The following DCTN5 variants were observed in gnomAD, a reference collection of about 807,000 sequenced individuals.
DCTN5 encodes the protein dynactin 4.
Under a neutral mutation model 23.5 loss-of-function variants are expected in DCTN5, and 14 were observed. The ratio of observed to expected loss-of-function variants is 0.60; its 90% confidence interval spans 0.39 to 0.93. The LOEUF (loss-of-function observed/expected upper bound fraction) is 0.93. Ranked by LOEUF, DCTN5 falls within the 40% of genes least tolerant of loss-of-function variation. DCTN5 has a pLI of 0.00. For missense variants in DCTN5, 156 were observed against 225.9 expected, an observed-to-expected ratio of 0.69 and a Z score of 1.98; for synonymous variants, 67 against 79.6, an observed-to-expected ratio of 0.84 and a Z score of 0.84.
intron 2 of DCTN5, among the ~76,000 whole-genome samples, chr16:23,654,225 A>G (rs1421219227): frequency 1.3e-5 from 2 of 152,224 alleles, no homozygotes; most frequent in Non-Finnish European, 2.9e-5. Flanking sequence ...ATGTGCACAC[A>G]TATATTCATT....
Position 23,662,848 on chromosome 16 carries a change from C to T in DCTN5, c.348+1567C>T, listed in dbSNP as rs761163397. On this transcript the variant is annotated intron_variant, in intron 4 of 5. Transcript: ENST00000300087. Reference sequence around the variant, plus strand: ...ATAACCCTGTCGTTTATCCTCAGAGCGAAATGTCTGAAAGGTTGAATCCAA... The same window carrying T: ...ATAACCCTGTCGTTTATCCTCAGAGTGAAATGTCTGAAAGGTTGAATCCAA... 1.7e-4 allele frequency among the ~76,000 whole-genome samples: 26 copies of T among 152,180 alleles called. 1 individual carries two copies. Among genetic ancestry groups the T allele is most frequent in the Admixed American group, 7.2e-4 (11 of 15,274 alleles).
chr16:23,652,754 G>T (rs559088946), intron 2 of DCTN5, among the ~76,000 whole-genome samples: 3 of 152,164 alleles, frequency 2.0e-5, no homozygotes, highest in African/African-American at 7.2e-5. Context: ...AGAATCACAA[G>T]CCCTTTTTAA....
Position 23,657,480 on chromosome 16 carries a change from G to A in DCTN5, c.118-1027G>A, listed in dbSNP as rs189068224. The stretch of plus-strand genomic sequence containing the variant: ...CTTAAAGCAAAATCTCACTCTTTTC[G>A]TCCAGGCTGGAGTGCAATGGCGCGA... On this transcript the variant is annotated intron_variant, in intron 2 of 5. Transcript: ENST00000300087. 3.2e-3 allele frequency: 1,407 copies of A among 435,984 alleles called. 6 individuals are homozygous for A. Among genetic ancestry groups the A allele is most frequent in the Non-Finnish European group, 4.5e-3 (980 of 218,248 alleles). The allele number at this position is 435,984 out of a possible 1,614,324, so 27.0% of individuals were successfully genotyped here. A position where few individuals can be genotyped will look rare whatever the true frequency, so the allele number is the denominator to read the frequency against.
chr16:23,650,673 C>A (rs1167413859), intron 2 of DCTN5: 29 of 1,304,014 alleles, frequency 2.2e-5, no homozygotes, highest in Non-Finnish European at 2.5e-5. Flanking sequence ...CTTATCCACC[C>A]TCCTCTTGGT....
intron 2 of DCTN5, among the ~76,000 whole-genome samples, chr16:23,643,721 T>G (rs2140969041): frequency 6.6e-6 from 1 of 152,204 alleles, no homozygotes; most frequent in Non-Finnish European, 1.5e-5. Context: ...TAATTCACTA[T>G]TAACTGAAAC....
rs1199367232 is a variant in DCTN5, at chr16:23,672,188, C to T, written c.*5044C>T. ...AGGCCTGTGAGAGACTCTGAGCTTCCTGGGAACAGGTATAGGTTCTTTTTA... is the reference window on the plus strand; with the variant it reads ...AGGCCTGTGAGAGACTCTGAGCTTCTTGGGAACAGGTATAGGTTCTTTTTA... On this transcript the variant is annotated 3_prime_UTR_variant, in exon 6 of 6. Transcript: ENST00000300087. 3 of 152,280 alleles carry T rather than the reference C, an allele frequency of 2.0e-5. No individual in the cohort carries two copies. In the East Asian group the frequency reaches 5.8e-4, roughly 29 times the overall value. The allele number at this position is 152,280 out of a possible 1,614,324, so 9.4% of individuals were successfully genotyped here. A position where few individuals can be genotyped will look rare whatever the true frequency, so the allele number is the denominator to read the frequency against.
Position 23,641,549 on chromosome 16 carries a change from T to A in DCTN5, c.7T>A (p.Leu3Met), listed in dbSNP as rs1967257367. 1 of 1,613,914 alleles carries A rather than the reference T, an allele frequency of 6.2e-7. No individual in the cohort carries two copies. Among genetic ancestry groups the A allele is most frequent in the East Asian group, 2.2e-5 (1 of 44,860 alleles). MELGELLYNKSEY... is the reference protein window; with the variant it reads MEMGELLYNKSEY... ...AGGGAAGGAGGCGGCGGCCATGGAG[T>A]TGGGCGAGCTGCTCTACAACAAGTC... Residue 3 changes from leucine (L) to methionine (M), a missense_variant, in exon 1 of 6, where the codon TTG (leucine) becomes ATG (methionine). By Grantham distance (15) the Leu-to-Met change is conservative. Around this residue, in one of 2 missense-constraint regions of DCTN5, gnomAD observed 153 missense variants for 206.8 expected, o/e 0.74. Coordinates refer to ENST00000300087, the MANE Select transcript of DCTN5 (RefSeq NM_032486.4).
At position 23,676,664 on chromosome 16, in the gene DCTN5, G is replaced by A. The variant is rs1372533899; in HGVS notation, c.*9520G>A. 3.3e-5 allele frequency: 5 copies of A among 152,240 alleles called. No individual in the cohort carries two copies. Among genetic ancestry groups the A allele is most frequent in the Non-Finnish European group, 7.3e-5 (5 of 68,058 alleles). The allele number at this position is 152,240 out of a possible 1,614,324, so 9.4% of individuals were successfully genotyped here. On this transcript the variant is annotated 3_prime_UTR_variant, in exon 6 of 6. Coordinates refer to ENST00000300087, the MANE Select transcript of DCTN5 (RefSeq NM_032486.4). ...CTGGTTAAGTCCAGGACCCCTACCA[G>A]GAAGAACTGAGGTCCATATTTGAGG...
At position 23,676,032 on chromosome 16, in the gene DCTN5, A is replaced by G. The variant is rs1392675077; in HGVS notation, c.*8888A>G. 1.3e-5 allele frequency: 2 copies of G among 152,018 alleles called. No individual in the cohort carries two copies. Among genetic ancestry groups the G allele is most frequent in the African/African-American group, 4.8e-5 (2 of 41,352 alleles). 9.4% of individuals were successfully genotyped at this position (152,018 alleles called of 1,614,324 possible). A position where few individuals can be genotyped will look rare whatever the true frequency, so the allele number is the denominator to read the frequency against. On this transcript the variant is annotated 3_prime_UTR_variant, in exon 6 of 6. Transcript: ENST00000300087. ...CTGCTTGAGGTGCCCTAATATTGCA[A>G]ATTCTTTGTTTACAGGGGTACCACC...
chr16:23,653,106 C>T (rs917948099), intron 2 of DCTN5, among the ~76,000 whole-genome samples: 2 of 152,138 alleles, frequency 1.3e-5, no homozygotes, highest in African/African-American at 4.8e-5. Context: ...GGCACCACTG[C>T]ACTCCAGCCT....
rs1255042053 is a variant in DCTN5 at position 23,673,827 on chromosome 16, T to G, written c.*6683T>G. The G allele has an allele frequency of 6.6e-6, 1 of 152,204 alleles. No individual in the cohort carries two copies. Among genetic ancestry groups the G allele is most frequent in the Admixed American group, 6.5e-5 (1 of 15,282 alleles). 9.4% of individuals were successfully genotyped at this position (152,204 alleles called of 1,614,324 possible). On this transcript the variant is annotated 3_prime_UTR_variant, in exon 6 of 6. Transcript: ENST00000300087. The stretch of plus-strand genomic sequence containing the variant: ...CCTCGGGAAAGAGGGAGACAACATG[T>G]AAAGAGAAGCAATCTGTTTGGAAAA...
intron 1 of DCTN5, among the ~76,000 whole-genome samples, chr16:23,642,243 T>G (rs1967299688): frequency 6.6e-6 from 1 of 152,142 alleles, no homozygotes; most frequent in African/African-American, 2.4e-5. Context: ...GATTTGGTTC[T>G]TTATGATCAG....
At chr16:23,645,101 A>C (rs560549078) in intron 2 of DCTN5, among the ~76,000 whole-genome samples, 2 of 21,888 alleles carry the variant, frequency 9.1e-5, no homozygotes, top group East Asian at 2.7e-3. Context: ...ATATATATAT[A>C]TATATATATA....
At chr16:23,665,790 G>C (rs35585) in intron 5 of DCTN5, 62 bp downstream of exon 5, 283 of 1,374,798 alleles carry the variant, frequency 2.1e-4, no homozygotes, top group Admixed American at 2.7e-4. Context: ...ATTTTCCATC[G>C]CAAAAGTAAT....
At chr16:23,643,056 C>T (rs1967335814) in intron 2 of DCTN5, 33 bp downstream of exon 2, 1 of 1,590,026 alleles carries the variant, frequency 6.3e-7, no homozygotes, top group Non-Finnish European at 8.6e-7. Context: ...GGCTGCAAAC[C>T]TTAGCTTGCG....
At chr16:23,644,494 G>A (rs987176727) in intron 2 of DCTN5, among the ~76,000 whole-genome samples, 4 of 151,704 alleles carry the variant, frequency 2.6e-5, no homozygotes, top group African/African-American at 2.4e-5. Context: ...CAGAGATGGG[G>A]TTTCACCGTG....
At chr16:23,660,767 G>A (rs1339547655) in intron 3 of DCTN5, among the ~76,000 whole-genome samples, 1 of 152,188 alleles carries the variant, frequency 6.6e-6, no homozygotes, top group Non-Finnish European at 1.5e-5. Flanking sequence ...TTTTTAGAAT[G>A]CTGAATGTGG....
chr16:23,642,106 A>AT (rs1967291586), intron 1 of DCTN5, among the ~76,000 whole-genome samples: 1 of 151,640 alleles, frequency 6.6e-6, no homozygotes, highest in Admixed American at 6.6e-5. Flanking sequence ...TAATTTTTGT[A>AT]TTTTTTGGTA....
chr16:23,645,115 ATATATATATATATATATATATATTTT>A (rs1328702805), intron 2 of DCTN5, among the ~76,000 whole-genome samples: 3 of 35,350 alleles, frequency 8.5e-5, no homozygotes, highest in African/African-American at 3.5e-4. Context: ...ATATATATAT[ATATATATATATATATATATATATTTT>A]TTTTTTTTTT....
Sources: gnomAD v4.1 joint callset for allele counts (sites outside exome capture counted in the v4.1 genomes callset) on GRCh38, gnomAD v4.1.1 for gene constraint, gnomAD v4.1.1 regional missense constraint, MANE v1.5 for transcripts, NCBI Gene and HGNC (gene_info 2026-07-23, HGNC 2026-07-21) for gene names.